SDE2: variants seen among roughly 807,000 people sequenced by gnomAD.
The protein encoded by SDE2 is splicing regulator SDE2.
Under a neutral mutation model 46.9 loss-of-function variants are expected in SDE2, and 31 were observed. The ratio of observed to expected loss-of-function variants is 0.66; its 90% CI spans 0.50 to 0.89. The LOEUF (loss-of-function observed/expected upper bound fraction) is 0.89, where lower values mean the gene tolerates loss of function less well. Among genes scored for constraint, SDE2 ranks in the 40% least tolerant of loss-of-function variants. The pLI, the probability that SDE2 is intolerant of heterozygous loss-of-function variation, is 0.00. For synonymous variants in SDE2, 205 were observed against 204.3 expected (o/e 1.00, Z -0.03); for missense variants, 542 against 564.4 (o/e 0.96, Z 0.40).
rs1468526561 is a variant in SDE2, at chr1:225,984,331, TAAAAGA to T, written c.*965_*970del. ...GTAAAGTCGCAACTAAAGTAATGCT[TAAAAGA>T]AAATGTATAGCTTTAAATATGTATT... is the stretch of plus-strand genomic sequence containing the variant. On this transcript the variant is annotated 3_prime_UTR_variant, in exon 7 of 7. Coordinates refer to ENST00000272091, the MANE Select transcript of SDE2 (RefSeq NM_152608.4). 2 of 152,208 alleles carry T rather than the reference TAAAAGA, an allele frequency of 1.3e-5. No homozygotes were observed. The highest frequency in any genetic ancestry group is 3.9e-4 in the East Asian group (2 of 5,184). The allele number at this position is 152,208 out of a possible 1,614,324, so 9.4% of individuals were successfully genotyped here.
chr1:225,997,743 T>C (rs1276292559), intron 1 of SDE2, among the ~76,000 whole-genome samples: 1 of 152,222 alleles, frequency 6.6e-6, no homozygotes, highest in Admixed American at 6.5e-5. Context: ...TATTTCTTGC[T>C]TCCGATTTAA....
Position 225,985,252 on chromosome 1 carries a change from G to T in SDE2, c.*50C>A. 7.1e-7 allele frequency: 1 copy of T among 1,408,308 alleles called. No individual in the cohort carries two copies. The highest frequency in any genetic ancestry group is 1.0e-6 in the Non-Finnish European group (1 of 992,644). 87.2% of individuals were successfully genotyped at this position (1,408,308 alleles called of 1,614,324 possible). On this transcript the variant is annotated 3_prime_UTR_variant, in exon 7 of 7. Coordinates refer to ENST00000272091, the MANE Select transcript of SDE2 (RefSeq NM_152608.4). ...CTGGTCAAGAGTCCACATTATGCAG[G>T]TTGTAAATGGTAGACACTATAAACA...
chr1:225,999,223 C>T lies in SDE2; in HGVS notation c.90G>A (p.Arg30=), dbSNP rs1656599321. 2.5e-6 allele frequency: 4 copies of T among 1,612,812 alleles called. No individual in the cohort carries two copies. The Admixed American group carries it at 5.0e-5, about 20-fold the overall frequency. The change falls in exon 1 of 7, where the codon CGG becomes CGA. Residue 30 remains arginine, a synonymous_variant. Transcript: ENST00000272091. ...CTTGGCAGTGCCGGTGGATAAAATC[C>T]CGGACGGTGCACCGACCCGAGGCAC... is the stretch of plus-strand genomic sequence containing the variant. ...VRCASGRCTV[R]DFIHRHCQDQ...
chr1:225,990,598 T>C (rs1231825244), intron 5 of SDE2, among the ~76,000 whole-genome samples: 1 of 152,138 alleles, frequency 6.6e-6, no homozygotes, highest in African/African-American at 2.4e-5. Context: ...ACAGGTAGTG[T>C]CACCACCCTT....
chr1:225,988,471 C>G (rs1374754767), intron 5 of SDE2, 83 bp from the exon 6 acceptor site: 24 of 1,439,274 alleles, frequency 1.7e-5, no homozygotes, highest in Non-Finnish European at 2.3e-5. Flanking sequence ...TGGCTCAGGC[C>G]TGTAATCCCA....
rs768409794 is a variant in SDE2, at chr1:225,999,208, C to T, written c.105G>A (p.Arg35=). ...AAATCCTCACCTGATCTTGGCAGTG[C>T]CGGTGGATAAAATCCCGGACGGTGC... is the stretch of plus-strand genomic sequence containing the variant. ...GRCTVRDFIH[R]HCQDQNVPVE... Residue 35 remains arginine, a synonymous_variant, in exon 1 of 7, where the codon CGG becomes CGA. Transcript: ENST00000272091. The T allele has an allele frequency of 2.5e-6, 4 of 1,612,588 alleles. No individual in the cohort carries two copies. The Admixed American group carries it at 6.7e-5, about 27-fold the overall frequency.
chr1:225,995,200 A>C (rs1373080267), intron 2 of SDE2, 66 bp downstream of exon 2: 2 of 823,644 alleles, frequency 2.4e-6, no homozygotes, highest in African/African-American at 3.4e-5. Context: ...CAGCAGCAGA[A>C]TATGAAAATA....
At position 225,984,397 on chromosome 1, in the gene SDE2, A is replaced by T. The variant is rs1363951763; in HGVS notation, c.*905T>A. 3 of 150,946 alleles carry T rather than the reference A, an allele frequency of 2.0e-5. No homozygotes were observed. The highest frequency in any genetic ancestry group is 7.3e-5 in the African/African-American group (3 of 41,198). 9.4% of individuals were successfully genotyped at this position (150,946 alleles called of 1,614,324 possible). The stretch of plus-strand genomic sequence containing the variant: ...GTCTAAGATCAATGACCTAAGGCTT[A>T]TCTTAAGGAACTAAAGAAAAAAGAT... On this transcript the variant is annotated 3_prime_UTR_variant, in exon 7 of 7. Transcript: ENST00000272091.
chr1:225,988,832 T>C (rs1280160578), intron 5 of SDE2, among the ~76,000 whole-genome samples: 1 of 152,166 alleles, frequency 6.6e-6, no homozygotes, highest in African/African-American at 2.4e-5. Context: ...AAAGATATTC[T>C]AGAGCTTATA....
intron 1 of SDE2, among the ~76,000 whole-genome samples, chr1:225,998,066 T>C (rs1287294046): frequency 6.6e-6 from 1 of 150,618 alleles, no homozygotes; most frequent in East Asian, 2.0e-4. Flanking sequence ...AGGCGGAGGT[T>C]GCAGTGGGCC....
intron 1 of SDE2, among the ~76,000 whole-genome samples, chr1:225,997,505 C>T (rs1015382610): frequency 1.3e-4 from 20 of 152,202 alleles, no homozygotes; most frequent in African/African-American, 4.3e-4. Context: ...TCTCGGCTCA[C>T]TGCAACCTCC....
Position 225,985,286 on chromosome 1 carries a change from T to G in SDE2, c.*16A>C. 6.3e-7 allele frequency: 1 copy of G among 1,585,606 alleles called. No homozygotes were observed. Among genetic ancestry groups the G allele is most frequent in the South Asian group, 1.1e-5 (1 of 90,504 alleles). On this transcript the variant is annotated 3_prime_UTR_variant, in exon 7 of 7. Transcript: ENST00000272091. ...GGTAGACACTATAAACAAATAGGAA[T>G]CAGCTCTGATGATACTCATTTTTTC...
At chr1:225,989,628 CAAAAA>C (rs564387010) in intron 5 of SDE2, among the ~76,000 whole-genome samples, 1 of 76,062 alleles carries the variant, frequency 1.3e-5, no homozygotes, top group African/African-American at 4.9e-5. Context: ...GATTCTGTCT[CAAAAA>C]AAAAAAAAAA....
At position 225,994,297 on chromosome 1, in the gene SDE2, G is replaced by A. The variant is rs573463620; in HGVS notation, c.238+969C>T. ...TTGCCATGTTGGCTAGCCTGGTCTCGAACTCCTGACCTAGGTGATCCGCCC... is the reference window on the plus strand; with the variant it reads ...TTGCCATGTTGGCTAGCCTGGTCTCAAACTCCTGACCTAGGTGATCCGCCC... On this transcript the variant is annotated intron_variant, in intron 2 of 6. Coordinates refer to ENST00000272091, the MANE Select transcript of SDE2 (RefSeq NM_152608.4). 8.6e-5 allele frequency among the ~76,000 whole-genome samples: 13 copies of A among 152,002 alleles called. No homozygotes were observed. In the East Asian group the frequency reaches 1.9e-3, roughly 23 times the overall value.
Position 225,988,129 on chromosome 1 carries a change from G to C in SDE2, c.901C>G (p.Leu301Val), listed in dbSNP as rs372025839. 3 of 1,614,022 alleles carry C rather than the reference G, an allele frequency of 1.9e-6. No individual in the cohort carries two copies. The African/African-American group carries it at 4.0e-5, about 22-fold the overall frequency. Residue 301 changes from leucine (L) to valine (V), a missense_variant, in exon 6 of 7, where the codon CTG becomes GTG. Coordinates refer to ENST00000272091, the MANE Select transcript of SDE2 (RefSeq NM_152608.4). Reference protein sequence around the residue: ...RHILEDSCAELGESKEHMESR... With the variant: ...RHILEDSCAEVGESKEHMESR... ...TCCATGTGCTCTTTGGACTCCCCCA[G>C]CTCAGCACATGAGTCTTCTAAAATA...
chr1:225,997,024 A>G (rs893920140), intron 1 of SDE2, among the ~76,000 whole-genome samples: 3 of 152,218 alleles, frequency 2.0e-5, no homozygotes, highest in Admixed American at 6.5e-5. Flanking sequence ...AATTTCTTAT[A>G]TATTCTATGG....
At chr1:225,990,678 G>A (rs894258518) in intron 5 of SDE2, among the ~76,000 whole-genome samples, 2 of 152,054 alleles carry the variant, frequency 1.3e-5, no homozygotes. Context: ...AGTGTTATAT[G>A]ATCTTTGATT....
rs544417266 is a variant in SDE2, at chr1:225,995,330, G to C, written c.174C>G (p.Thr58=). 3.9e-5 allele frequency: 63 copies of C among 1,612,838 alleles called. No homozygotes were observed. The East Asian group carries it at 1.3e-3, about 34-fold the overall frequency. The change falls in exon 2 of 7, where the codon ACC becomes ACG. Residue 58 remains threonine (T), a synonymous_variant. Transcript: ENST00000272091. The part of the protein sequence containing the change: ...FVKCNGALIN[T]SDTVQHGAVY... ...CAGCTCCATGCTGCACTGTGTCACT[G>C]GTGTTAATGAGTGCTCCATTGCATT... is the stretch of plus-strand genomic sequence containing the variant.
intron 1 of SDE2, among the ~76,000 whole-genome samples, chr1:225,997,089 T>TCGTTATGA (rs1428487779): frequency 3.9e-5 from 6 of 152,072 alleles, no homozygotes; most frequent in African/African-American, 7.2e-5. Flanking sequence ...TTCGTGGGGG[T>TCGTTATGA]CGTTATGACA....
Sources: gnomAD v4.1 joint callset for allele counts (sites outside exome capture counted in the v4.1 genomes callset) on GRCh38, gnomAD v4.1.1 for gene constraint, MANE v1.5 for transcripts, NCBI Gene and HGNC (gene_info 2026-07-23, HGNC 2026-07-21) for gene names.